Variants in VCL observed in about 807,000 individuals in gnomAD.
VCL encodes the protein vinculin.
VCL carries 47 observed loss-of-function variants against 125.7 expected under a neutral mutation model. That is an observed-to-expected ratio of 0.37 (90% CI 0.30 to 0.48). VCL has a LOEUF of 0.48. Among genes scored for constraint, VCL ranks in the 20% least tolerant of loss-of-function variants. The probability of loss-of-function intolerance (pLI) is 0.99; values close to 1 mark genes in which losing one functional copy is unlikely to be tolerated. For synonymous variants in VCL, 458 were observed against 514.6 expected, an observed-to-expected ratio of 0.89 and a Z score of 1.49; for missense variants, 1,069 against 1,455.5, an observed-to-expected ratio of 0.73 and a Z score of 4.32.
Position 74,095,708 on chromosome 10 carries a change from TATG to T in VCL, c.1600_1602del (p.Met534del). ...CCGAAGGGCATCGTCTGGCTAATGT[TATG>T]ATGGGGCCTTATCGGCAAGATCTTC... On this transcript the variant is annotated inframe_deletion, in exon 12 of 22. Coordinates refer to ENST00000211998, the MANE Select transcript of VCL (RefSeq NM_014000.3). The T allele has an allele frequency of 6.2e-7, 1 of 1,614,210 alleles. No individual in the cohort carries two copies. Among genetic ancestry groups the T allele is most frequent in the Non-Finnish European group, 8.5e-7 (1 of 1,180,044 alleles).
At chr10:74,022,439 C>T (rs1252837946) in intron 1 of VCL, among the ~76,000 whole-genome samples, 5 of 151,408 alleles carry the variant, frequency 3.3e-5, no homozygotes, top group South Asian at 2.1e-4. Context: ...ACAGCTACTC[C>T]GGAGGCTAAG....
intron 8 of VCL, among the ~76,000 whole-genome samples, chr10:74,088,655 A>G (rs571471490): frequency 2.6e-5 from 4 of 152,330 alleles, no homozygotes; most frequent in African/African-American, 9.6e-5. Context: ...ATGGAAACCC[A>G]GGGAGGTTAA....
intron 8 of VCL, among the ~76,000 whole-genome samples, chr10:74,084,242 T>G (rs1182739076): frequency 1.3e-5 from 2 of 152,298 alleles, no homozygotes; most frequent in East Asian, 3.9e-4. Context: ...ATTACAGGTG[T>G]GAGCCACCAT....
At chr10:74,018,285 T>C (rs1356998314) in intron 1 of VCL, among the ~76,000 whole-genome samples, 4 of 150,870 alleles carry the variant, frequency 2.7e-5, no homozygotes, top group African/African-American at 7.3e-5. Flanking sequence ...CTTGAACTCC[T>C]GGGCTCATGT....
intron 1 of VCL, among the ~76,000 whole-genome samples, chr10:74,028,457 C>T (rs921242223): frequency 4.9e-5 from 7 of 144,262 alleles, no homozygotes; most frequent in African/African-American, 1.6e-4. Flanking sequence ...AGTGCAATGG[C>T]GTGATCTTGG....
At chr10:74,003,816 C>G (rs1456451123) in intron 1 of VCL, among the ~76,000 whole-genome samples, 1 of 152,094 alleles carries the variant, frequency 6.6e-6, no homozygotes, top group Non-Finnish European at 1.5e-5. Context: ...AACTCCTGGG[C>G]CCAACAGATC....
rs533981977 is a variant in VCL at position 74,072,490 on chromosome 10, G to A, written c.500-240G>A. ...ATTCATTTAGATGTTTAATATTTGT[G>A]AATATATTTATATCAAAATATGAAA... is the stretch of plus-strand genomic sequence containing the variant. On this transcript the variant is annotated intron_variant, in intron 4 of 21. Coordinates refer to ENST00000211998, the MANE Select transcript of VCL (RefSeq NM_014000.3). 2.8e-4 allele frequency among the ~76,000 whole-genome samples: 43 copies of A among 152,018 alleles called. 1 individual carries two copies. The highest frequency in any genetic ancestry group is 9.2e-4 in the African/African-American group (38 of 41,502).
At chr10:74,106,897 C>G (rs1840144180) in intron 16 of VCL, among the ~76,000 whole-genome samples, 1 of 152,172 alleles carries the variant, frequency 6.6e-6, no homozygotes, top group Admixed American at 6.5e-5. Context: ...GTTGGGCAGG[C>G]TTATCTCTTG....
At chr10:74,107,446 T>C in intron 17 of VCL, 92 bp downstream of exon 17, 1 of 1,594,028 alleles carries the variant, frequency 6.3e-7, no homozygotes, top group African/African-American at 1.3e-5. Context: ...CCTCCATCAC[T>C]AGGTGGCTTC....
chr10:74,108,489 T>C (rs1308682579), intron 17 of VCL, among the ~76,000 whole-genome samples: 1 of 151,966 alleles, frequency 6.6e-6, no homozygotes, highest in African/African-American at 2.4e-5. Flanking sequence ...TTTCTTTTTT[T>C]CTTGTTTTGA....
rs1014319396 is a variant in VCL, at chr10:74,037,694, T to G, written c.169-5389T>G. 3.3e-5 allele frequency among the ~76,000 whole-genome samples: 5 copies of G among 152,240 alleles called. No individual in the cohort carries two copies. The East Asian group carries it at 9.6e-4, about 29-fold the overall frequency. On this transcript the variant is annotated intron_variant, in intron 1 of 21. Transcript: ENST00000211998. ...GACTGAACCTTCTTTGCCTGTGCTC[T>G]TCTCTTTGTTTGGGCTGTCTGATTC...
At chr10:74,066,061 A>ATATATATTTTT (rs1441211975) in intron 2 of VCL, among the ~76,000 whole-genome samples, 2 of 137,482 alleles carry the variant, frequency 1.5e-5, no homozygotes, top group African/African-American at 5.3e-5. Flanking sequence ...ATATATATAT[A>ATATATATTTTT]TTTTTTTTTT....
chr10:74,072,911 C>T (rs1839509700), intron 5 of VCL, 59 bp downstream of exon 5: 1 of 1,604,998 alleles, frequency 6.2e-7, no homozygotes, highest in Non-Finnish European at 8.5e-7. Flanking sequence ...GTTCTAAACT[C>T]TGAGGTTCAT....
intron 2 of VCL, among the ~76,000 whole-genome samples, chr10:74,051,164 C>T (rs1841291992): frequency 6.6e-6 from 1 of 151,772 alleles, no homozygotes; most frequent in African/African-American, 2.4e-5. Flanking sequence ...GTCTCGAACT[C>T]CTGGCCTCAA....
rs1312868617 is a variant in VCL, at chr10:74,118,143, G to A, written c.3379G>A (p.Val1127Ile). The A allele has an allele frequency of 6.2e-7, 1 of 1,614,012 alleles. No homozygotes were observed. Among genetic ancestry groups the A allele is most frequent in the Admixed American group, 1.7e-5 (1 of 59,998 alleles). Reference protein sequence around the residue: ...RTDAGFTLRWVRKTPWYQ With the variant: ...RTDAGFTLRWIRKTPWYQ The stretch of plus-strand genomic sequence containing the variant: ...AGATGCTGGATTTACACTGCGCTGG[G>A]TTAGAAAGACTCCCTGGTACCAGTA... Residue 1127 changes from valine (V) to isoleucine (I), a missense_variant, in exon 22 of 22, where the codon GTT becomes ATT. By Grantham distance (29) the Val-to-Ile change is conservative. Transcript: ENST00000211998.
At position 74,090,200 on chromosome 10, in the gene VCL, T is replaced by C; in HGVS notation, c.1352+2T>C. ...TAAATTAGCAGATCTACGAAGACAG[T>C]ATGTATTTAACCCTTACATTGCCTT... is the stretch of plus-strand genomic sequence containing the variant. On this transcript the variant is annotated splice_donor_variant, in intron 10 of 21. Coordinates refer to ENST00000211998, the MANE Select transcript of VCL (RefSeq NM_014000.3). LOFTEE classifies it high-confidence loss of function. 6.2e-7 allele frequency: 1 copy of C among 1,614,098 alleles called. No individual in the cohort carries two copies. The highest frequency in any genetic ancestry group is 8.5e-7 in the Non-Finnish European group (1 of 1,179,996).
At chr10:74,022,887 T>C (rs1362145659) in intron 1 of VCL, among the ~76,000 whole-genome samples, 2 of 152,060 alleles carry the variant, frequency 1.3e-5, no homozygotes, top group East Asian at 3.9e-4. Context: ...GTGATCCACC[T>C]GCCTCGGCCT....
chr10:74,041,164 C>T (rs1018580595), intron 1 of VCL, among the ~76,000 whole-genome samples: 33 of 127,232 alleles, frequency 2.6e-4, no homozygotes, highest in Non-Finnish European at 5.8e-4. Context: ...TTTTCTTACT[C>T]CATTTTTTTT....
rs1486050407 is a variant in VCL, at chr10:74,119,628, G to T, written c.*1459G>T. 1 of 152,242 alleles carries T rather than the reference G, an allele frequency of 6.6e-6. No individual in the cohort carries two copies. The highest frequency in any genetic ancestry group is 6.5e-5 in the Admixed American group (1 of 15,284). 9.4% of individuals were successfully genotyped at this position (152,242 alleles called of 1,614,324 possible). A position where few individuals can be genotyped will look rare whatever the true frequency, so the allele number is the denominator to read the frequency against. On this transcript the variant is annotated 3_prime_UTR_variant, in exon 22 of 22. Transcript: ENST00000211998. The stretch of plus-strand genomic sequence containing the variant: ...TTTTCCCAAAGCCAGAACCAGATGA[G>T]TAAAGGAGTAAGAACCTTGCCTGAA...
Sources: allele counts gnomAD v4.1 joint callset (sites outside exome capture counted in the v4.1 genomes callset), GRCh38; gene constraint gnomAD v4.1.1; transcripts MANE v1.5; gene names NCBI Gene and HGNC (gene_info 2026-07-23, HGNC 2026-07-21).